TRIM24: variants seen among roughly 807,000 people sequenced by gnomAD.
The protein encoded by TRIM24 is tripartite motif containing 24.
Under a neutral mutation model 123.9 loss-of-function variants are expected in TRIM24, and 29 were observed. That is an observed-to-expected ratio of 0.23 (90% confidence interval 0.17 to 0.32). TRIM24 has a LOEUF of 0.32. Among genes scored for constraint, TRIM24 ranks in the 10% least tolerant of loss-of-function variants. The pLI is 1.00. For missense variants in TRIM24, 932 were observed against 1,295.3 expected, an observed-to-expected ratio of 0.72 and a Z score of 4.31; for synonymous variants, 456 against 461.1, an observed-to-expected ratio of 0.99 and a Z score of 0.14.
intron 1 of TRIM24, among the ~76,000 whole-genome samples, chr7:138,497,102 G>T (rs1397782120): frequency 6.6e-6 from 1 of 152,094 alleles, no homozygotes; most frequent in Non-Finnish European, 1.5e-5. Flanking sequence ...AATAAGGTTG[G>T]AATTATTTCT....
At chr7:138,541,924 T>C (rs1338177465) in intron 7 of TRIM24, among the ~76,000 whole-genome samples, 1 of 152,252 alleles carries the variant, frequency 6.6e-6, no homozygotes, top group Admixed American at 6.5e-5. Flanking sequence ...ATAAATCTCA[T>C]GGACCAACCT....
chr7:138,563,353 G>A (rs1450163229), intron 9 of TRIM24, among the ~76,000 whole-genome samples: 1 of 152,078 alleles, frequency 6.6e-6, no homozygotes, highest in Admixed American at 6.5e-5. Flanking sequence ...GTCCCTTTTA[G>A]CATCATGCAC....
At chr7:138,503,795 C>T (rs775171734) in intron 1 of TRIM24, among the ~76,000 whole-genome samples, 8 of 152,092 alleles carry the variant, frequency 5.3e-5, no homozygotes, top group African/African-American at 1.7e-4. Flanking sequence ...CCAAGCACTA[C>T]GAAAGACCAT....
At chr7:138,579,938 GAAA>G (rs911622036) in intron 15 of TRIM24, among the ~76,000 whole-genome samples, 1 of 149,994 alleles carries the variant, frequency 6.7e-6, no homozygotes, top group Non-Finnish European at 1.5e-5. Flanking sequence ...ATTACAAAAA[GAAA>G]AAAAAATAAC....
chr7:138,574,417 T>C (rs1797715974), intron 12 of TRIM24, among the ~76,000 whole-genome samples: 1 of 152,236 alleles, frequency 6.6e-6, no homozygotes, highest in South Asian at 2.1e-4. Flanking sequence ...GATGCCCGTT[T>C]TAAACAAACT....
chr7:138,463,043 G>GTTTT lies in TRIM24; in HGVS notation c.364+2154_364+2157dup, dbSNP rs57719141. The stretch of plus-strand genomic sequence containing the variant: ...CGCCACCACGTCCGGCTAATTTTGT[G>GTTTT]TTTTTTTTTTTTTTTTTTTTTTTTT... On this transcript the variant is annotated intron_variant, in intron 1 of 18. Transcript: ENST00000343526. Among the ~76,000 whole-genome samples, 209 of 60,132 alleles carry GTTTT rather than the reference G, an allele frequency of 3.5e-3. 22 individuals carry two copies. The highest frequency in any genetic ancestry group is 9.9e-3 in the African/African-American group (136 of 13,672). The allele number at this position is 60,132 out of a possible 152,430, so 39.4% of individuals were successfully genotyped here.
chr7:138,575,995 G>C (rs1797750264), intron 12 of TRIM24, among the ~76,000 whole-genome samples: 1 of 151,912 alleles, frequency 6.6e-6, no homozygotes, highest in Non-Finnish European at 1.5e-5. Flanking sequence ...TCTTACCCCT[G>C]TTACTCTAAC....
rs578049650 is a variant in TRIM24 at position 138,474,690 on chromosome 7, G to A, written c.364+13778G>A. Among the ~76,000 whole-genome samples the A allele has an allele frequency of 9.5e-4, 145 of 152,250 alleles. 1 individual carries two copies. The highest frequency in any genetic ancestry group is 4.6e-3 in the South Asian group (22 of 4,832). On this transcript the variant is annotated intron_variant, in intron 1 of 18. Coordinates refer to ENST00000343526, the MANE Select transcript of TRIM24 (RefSeq NM_015905.3). ...TATACATGGATATGCAGTTTTTCTA[G>A]CATTGTTGTTAGAGGACTGTCCTTT...
At chr7:138,544,607 T>C (rs910478897) in intron 7 of TRIM24, among the ~76,000 whole-genome samples, 3 of 152,230 alleles carry the variant, frequency 2.0e-5, no homozygotes, top group African/African-American at 7.2e-5. Flanking sequence ...CCGTAGTGGT[T>C]GCACCAATCT....
intron 1 of TRIM24, among the ~76,000 whole-genome samples, chr7:138,474,219 G>A (rs1476674886): frequency 6.8e-6 from 1 of 146,386 alleles, no homozygotes; most frequent in African/African-American, 2.5e-5. Flanking sequence ...TCTGCCTCCC[G>A]GGTTCACGCC....
intron 7 of TRIM24, among the ~76,000 whole-genome samples, chr7:138,546,511 T>C (rs1797105460): frequency 6.6e-6 from 1 of 152,230 alleles, no homozygotes; most frequent in Non-Finnish European, 1.5e-5. Flanking sequence ...GATTTGGTTA[T>C]GTTAGAAGAT....
chr7:138,579,799 T>A (rs1027822413), intron 15 of TRIM24, among the ~76,000 whole-genome samples: 1 of 152,166 alleles, frequency 6.6e-6, no homozygotes, highest in Non-Finnish European at 1.5e-5. Flanking sequence ...AGTGCATGCC[T>A]GTAGTCCCAG....
At chr7:138,547,949 G>C (rs781113571) in intron 7 of TRIM24, among the ~76,000 whole-genome samples, 1 of 152,124 alleles carries the variant, frequency 6.6e-6, no homozygotes, top group African/African-American at 2.4e-5. Flanking sequence ...TGGCCTATAC[G>C]TATGTTTTAA....
intron 1 of TRIM24, chr7:138,490,586 A>G: frequency 4.1e-6 from 1 of 241,240 alleles, no homozygotes; most frequent in Non-Finnish European, 8.1e-6. Context: ...AAAACAGATT[A>G]TTGGACTGTG....
chr7:138,545,557 T>G lies in TRIM24; in HGVS notation c.1144-5506T>G, dbSNP rs558997977. ...AAGAGTACAAGTATGAACTTAGAGT[T>G]TTATTTTTATTCTTGGACTCAGATC... On this transcript the variant is annotated intron_variant, in intron 7 of 18. Coordinates refer to ENST00000343526, the MANE Select transcript of TRIM24 (RefSeq NM_015905.3). 6.7e-4 allele frequency: 304 copies of G among 456,128 alleles called. 6 individuals are homozygous for G. Among genetic ancestry groups the G allele is most frequent in the South Asian group, 4.3e-3 (278 of 64,552 alleles). 28.3% of individuals were successfully genotyped at this position (456,128 alleles called of 1,614,324 possible).
chr7:138,549,753 C>CAT (rs1328204954), intron 7 of TRIM24, among the ~76,000 whole-genome samples: 1 of 152,162 alleles, frequency 6.6e-6, no homozygotes, highest in African/African-American at 2.4e-5. Flanking sequence ...AAAAACAAAG[C>CAT]ATATTTATAT....
chr7:138,511,055 C>T (rs1253696778), intron 2 of TRIM24, among the ~76,000 whole-genome samples: 3 of 152,136 alleles, frequency 2.0e-5, no homozygotes, highest in Non-Finnish European at 4.4e-5. Context: ...CCATCTGTAT[C>T]ACTCTGTTTT....
chr7:138,468,170 C>T (rs1795192928), intron 1 of TRIM24, among the ~76,000 whole-genome samples: 1 of 152,056 alleles, frequency 6.6e-6, no homozygotes, highest in Non-Finnish European at 1.5e-5. Context: ...GAAGAAGTTC[C>T]CTTCTATTTT....
chr7:138,488,967 T>C (rs1230734932), intron 1 of TRIM24, among the ~76,000 whole-genome samples: 1 of 152,200 alleles, frequency 6.6e-6, no homozygotes, highest in East Asian at 1.9e-4. Flanking sequence ...CTCCCATTAT[T>C]ATTGTGTGGG....
Sources: allele counts gnomAD v4.1 joint callset (sites outside exome capture counted in the v4.1 genomes callset), GRCh38; gene constraint gnomAD v4.1.1; transcripts MANE v1.5; gene names NCBI Gene and HGNC (gene_info 2026-07-23, HGNC 2026-07-21).